SRGAP2B: variants seen among roughly 807,000 people sequenced by gnomAD.
SRGAP2B encodes SLIT-ROBO Rho GTPase activating protein 2B.
In SRGAP2B, 9 loss-of-function variants were observed where a neutral mutation model predicts 22.2. That is an observed-to-expected ratio of 0.41 (90% CI 0.24 to 0.71). The LOEUF (loss-of-function observed/expected upper bound fraction) is 0.71. SRGAP2B is among the 30% of genes least tolerant of loss of function. SRGAP2B has a pLI of 0.35. For missense variants in SRGAP2B, 114 were observed against 235.8 expected, an observed-to-expected ratio of 0.48 and a Z score of 3.38; for synonymous variants, 36 against 87.4, an observed-to-expected ratio of 0.41 and a Z score of 3.28.
At chr1:144,939,908 T>TTA (rs1183818604) in intron 4 of SRGAP2B, among the ~76,000 whole-genome samples, 1 of 150,180 alleles carries the variant, frequency 6.7e-6, no homozygotes. Context: ...ATGGCTTGGA[T>TTA]TATCTTGGCT....
intron 2 of SRGAP2B, among the ~76,000 whole-genome samples, chr1:145,015,644 C>T (rs1672366673): frequency 6.7e-6 from 1 of 149,652 alleles, no homozygotes; most frequent in Non-Finnish European, 1.5e-5. Flanking sequence ...TTGGAATTAC[C>T]TATGGGAAGA....
chr1:144,983,968 C>T (rs1432713318), intron 3 of SRGAP2B, among the ~76,000 whole-genome samples: 2 of 150,542 alleles, frequency 1.3e-5, no homozygotes, highest in Admixed American at 6.6e-5. Context: ...AATCCAAAAC[C>T]AAATTTCTCA....
At chr1:144,889,087 T>TG (rs1464507221) in exon 10 of SRGAP2B, 4 of 141,692 alleles carry the variant, frequency 2.8e-5, no homozygotes, top group African/African-American at 1.1e-4. Flanking sequence ...CCTGAGTAGC[T>TG]GGGATTACAG....
At chr1:144,977,947 CTT>C (rs1669017749) in intron 3 of SRGAP2B, among the ~76,000 whole-genome samples, 1 of 80,300 alleles carries the variant, frequency 1.2e-5, no homozygotes, top group Non-Finnish European at 2.4e-5. Context: ...TCCTACACCT[CTT>C]TGTGACCCCA....
At chr1:144,892,502 GC>G in intron 9 of SRGAP2B, 121 bp from the exon 10 acceptor site, 1 of 607,602 alleles carries the variant, frequency 1.6e-6, no homozygotes, top group Non-Finnish European at 2.9e-6. Flanking sequence ...GTGCAGCTCT[GC>G]TTCCCACTGG....
chr1:145,068,174 G>A (rs1211325793), intron 2 of SRGAP2B, among the ~76,000 whole-genome samples: 1 of 54,148 alleles, frequency 1.8e-5, no homozygotes, highest in Non-Finnish European at 3.2e-5. Flanking sequence ...CTGCACTCCA[G>A]CCTGGGCGAC....
At chr1:144,956,668 G>T (rs1483030399) in intron 3 of SRGAP2B, among the ~76,000 whole-genome samples, 2 of 149,030 alleles carry the variant, frequency 1.3e-5, no homozygotes, top group Non-Finnish European at 3.0e-5. Context: ...TGCTGATCTT[G>T]AACTCCCGAC....
chr1:144,943,487 A>G (rs1666227177), intron 4 of SRGAP2B, among the ~76,000 whole-genome samples: 1 of 151,524 alleles, frequency 6.6e-6, no homozygotes. Context: ...TACATCTACT[A>G]TAAAATTTAA....
chr1:145,056,992 C>T (rs1303950528), intron 2 of SRGAP2B, among the ~76,000 whole-genome samples: 7 of 139,408 alleles, frequency 5.0e-5, no homozygotes, highest in African/African-American at 1.6e-4. Context: ...CACACACACA[C>T]GCAAACTCCT....
intron 4 of SRGAP2B, among the ~76,000 whole-genome samples, chr1:144,932,215 C>T (rs1553344406): frequency 6.7e-6 from 1 of 148,974 alleles, no homozygotes; most frequent in African/African-American, 2.6e-5. Flanking sequence ...TGATCGTCCC[C>T]ACCCCCCAAA....
intron 2 of SRGAP2B, among the ~76,000 whole-genome samples, chr1:145,065,596 CACTCTCATA>C (rs1553632265): frequency 2.9e-5 from 2 of 68,816 alleles, no homozygotes; most frequent in Non-Finnish European, 6.0e-5. Context: ...ACTTCCCATT[CACTCTCATA>C]ACTCAACATG....
chr1:144,966,285 C>T (rs1403145639), intron 3 of SRGAP2B, among the ~76,000 whole-genome samples: 2 of 149,728 alleles, frequency 1.3e-5, no homozygotes, highest in East Asian at 3.9e-4. Flanking sequence ...AGACTAACAG[C>T]AAATCTCTCG....
At chr1:144,998,312 G>C (rs1387902007) in intron 2 of SRGAP2B, among the ~76,000 whole-genome samples, 2 of 75,440 alleles carry the variant, frequency 2.7e-5, no homozygotes, top group Non-Finnish European at 5.2e-5. Context: ...AACCACACTG[G>C]ATCCCTTCCC....
intron 2 of SRGAP2B, among the ~76,000 whole-genome samples, chr1:145,027,011 A>ATTTT (rs4058418): frequency 1.5e-5 from 1 of 66,916 alleles, no homozygotes; most frequent in Non-Finnish European, 2.9e-5. Context: ...GCTTTTTTTA[A>ATTTT]TTTTTTTTTT....
chr1:144,943,934 T>C (rs1278590061), intron 4 of SRGAP2B, among the ~76,000 whole-genome samples: 1 of 150,624 alleles, frequency 6.6e-6, no homozygotes, highest in Non-Finnish European at 1.5e-5. Context: ...AGATAGAATT[T>C]GGCATTCAAA....
At chr1:145,036,299 A>G (rs1238208517) in intron 2 of SRGAP2B, among the ~76,000 whole-genome samples, 2 of 142,086 alleles carry the variant, frequency 1.4e-5, no homozygotes, top group East Asian at 4.0e-4. Flanking sequence ...GGCAACTAAC[A>G]CCTTCCTCCA....
chr1:144,993,088 C>A (rs1469953766), intron 3 of SRGAP2B, among the ~76,000 whole-genome samples: 1 of 151,146 alleles, frequency 6.6e-6, no homozygotes, highest in Non-Finnish European at 1.5e-5. Flanking sequence ...GATGGAAAGA[C>A]TGACCACATA....
chr1:145,094,099 T>A (rs1654237099), intron 1 of SRGAP2B, among the ~76,000 whole-genome samples: 2 of 101,690 alleles, frequency 2.0e-5, no homozygotes, highest in Admixed American at 2.0e-4. Context: ...AAGGCAGCCG[T>A]CGCCTCCCTC....
At chr1:144,940,347 G>A (rs1312074530) in intron 4 of SRGAP2B, among the ~76,000 whole-genome samples, 8 of 131,006 alleles carry the variant, frequency 6.1e-5, no homozygotes, top group Non-Finnish European at 9.6e-5. Context: ...GCAGCAGGGG[G>A]AAAAACCCTC....
Sources: gnomAD v4.1 joint callset for allele counts (sites outside exome capture counted in the v4.1 genomes callset) on GRCh38, gnomAD v4.1.1 for gene constraint, MANE v1.5 for transcripts, NCBI Gene and HGNC (gene_info 2026-07-23, HGNC 2026-07-21) for gene names.